DLG2: variants seen among roughly 807,000 people sequenced by gnomAD.
The protein encoded by DLG2 is disks large homolog 2.
Under a neutral mutation model 132.5 loss-of-function variants are expected in DLG2, and 45 were observed. That is an observed-to-expected ratio of 0.34 (90% CI 0.27 to 0.44). The LOEUF (loss-of-function observed/expected upper bound fraction) is 0.44. Ranked by LOEUF, DLG2 falls within the 20% of genes least tolerant of loss-of-function variation. The pLI is 1.00. For missense variants in DLG2, 1,045 were observed against 1,196.9 expected (o/e 0.87, Z 1.87); for synonymous variants, 424 against 419.6 (o/e 1.01, Z -0.13).
At chr11:84,326,267 C>T (rs748183211) in intron 7 of DLG2, among the ~76,000 whole-genome samples, 18 of 151,616 alleles carry the variant, frequency 1.2e-4, no homozygotes, top group Non-Finnish European at 2.2e-4. Flanking sequence ...CTTCTGCTAA[C>T]TTTGTGCTTA....
rs59038372 is a variant in DLG2, at chr11:84,373,265, C to CAAAAACAAAAA, written c.520-121975_520-121974insTTTTTGTTTTT. ...AGAAACAGTCAAAAAAAAAAAAAAACAAAACAAAAAAAAAACCCACCAGGC... is the reference window on the plus strand; with the variant it reads ...AGAAACAGTCAAAAAAAAAAAAAAACAAAAACAAAAAAAAACAAAAAAAAAACCCACCAGGC... On this transcript the variant is annotated intron_variant, in intron 7 of 27. Transcript: ENST00000376104. Among the ~76,000 whole-genome samples the CAAAAACAAAAA allele has an allele frequency of 2.4e-3, 236 of 98,054 alleles. 15 individuals carry two copies. Among genetic ancestry groups the CAAAAACAAAAA allele is most frequent in the African/African-American group, 9.1e-3 (200 of 21,954 alleles). 64.3% of individuals were successfully genotyped at this position (98,054 alleles called of 152,430 possible). A position where few individuals can be genotyped will look rare whatever the true frequency, so the allele number is the denominator to read the frequency against.
chr11:84,087,494 G>A (rs1408115161), intron 10 of DLG2, among the ~76,000 whole-genome samples: 2 of 152,104 alleles, frequency 1.3e-5, no homozygotes, highest in African/African-American at 4.8e-5. Flanking sequence ...GCTGAATAAT[G>A]CCCCTCACCT....
At position 83,707,484 on chromosome 11, in the gene DLG2, A is replaced by G. The variant is rs183792851; in HGVS notation, c.1826-74159T>C. On this transcript the variant is annotated intron_variant, in intron 18 of 27. Transcript: ENST00000376104. ...CAGGAGTTCAAGACCAGCCTGGCTA[A>G]CATGGTGAAAACCCATCTTTATTAA... 2.0e-5 allele frequency among the ~76,000 whole-genome samples: 3 copies of G among 152,340 alleles called. No individual in the cohort carries two copies. In the East Asian group the frequency reaches 5.8e-4, roughly 29 times the overall value.
At chr11:84,479,355 C>T (rs1342613197) in intron 7 of DLG2, among the ~76,000 whole-genome samples, 1 of 152,070 alleles carries the variant, frequency 6.6e-6, no homozygotes, top group Non-Finnish European at 1.5e-5. Context: ...CGTGAAGGCT[C>T]TGTCTAATAT....
intron 7 of DLG2, among the ~76,000 whole-genome samples, chr11:84,467,890 T>G (rs187984788): frequency 7.9e-4 from 120 of 151,684 alleles, no homozygotes; most frequent in Middle Eastern, 3.4e-3. Flanking sequence ...ATCAAAAGAC[T>G]GATAATTCAA....
intron 3 of DLG2, among the ~76,000 whole-genome samples, chr11:85,592,472 G>A (rs972875431): frequency 6.6e-6 from 1 of 152,118 alleles, no homozygotes; most frequent in Non-Finnish European, 1.5e-5. Context: ...CATTACCTAG[G>A]AAATGCCTCT....
chr11:84,041,415 G>C (rs924094591), intron 11 of DLG2, among the ~76,000 whole-genome samples: 3 of 151,858 alleles, frequency 2.0e-5, no homozygotes, highest in Non-Finnish European at 2.9e-5. Flanking sequence ...GCCTCCTTCA[G>C]CTCTCAGAAA....
chr11:85,061,916 C>A (rs2064182940), intron 6 of DLG2, among the ~76,000 whole-genome samples: 1 of 151,776 alleles, frequency 6.6e-6, no homozygotes, highest in Non-Finnish European at 1.5e-5. Context: ...ATTCTTCAGT[C>A]ACTTTACTCC....
chr11:84,150,402 C>G (rs536213693), intron 9 of DLG2, among the ~76,000 whole-genome samples: 12 of 152,258 alleles, frequency 7.9e-5, no homozygotes, highest in Non-Finnish European at 5.9e-5. Context: ...GTGCTACTGA[C>G]TTTTGTATGC....
chr11:84,600,629 T>C (rs1053949321), intron 6 of DLG2, among the ~76,000 whole-genome samples: 1 of 152,204 alleles, frequency 6.6e-6, no homozygotes, highest in Non-Finnish European at 1.5e-5. Context: ...AAATTCATTC[T>C]TCAGGAATTT....
chr11:84,554,575 C>T (rs1470870690), intron 6 of DLG2, among the ~76,000 whole-genome samples: 6 of 151,982 alleles, frequency 3.9e-5, no homozygotes, highest in Admixed American at 1.3e-4. Context: ...GGAGAAATCC[C>T]GTCTCTTCTA....
At chr11:83,590,586 A>C (rs1480408983) in intron 19 of DLG2, among the ~76,000 whole-genome samples, 1 of 151,836 alleles carries the variant, frequency 6.6e-6, no homozygotes, top group Non-Finnish European at 1.5e-5. Flanking sequence ...AAGAACTAGA[A>C]AAGCAAGAGC....
chr11:84,036,906 C>A (rs891939507), intron 11 of DLG2, among the ~76,000 whole-genome samples: 2 of 152,094 alleles, frequency 1.3e-5, no homozygotes, highest in African/African-American at 4.8e-5. Context: ...AAACATTCAA[C>A]TTTCATATTT....
chr11:84,943,060 A>G (rs1159340881), intron 6 of DLG2, among the ~76,000 whole-genome samples: 1 of 151,524 alleles, frequency 6.6e-6, no homozygotes, highest in African/African-American at 2.4e-5. Context: ...TTTGGTTTCC[A>G]TTTACATTAA....
At chr11:85,272,444 G>C (rs1050839209) in intron 4 of DLG2, among the ~76,000 whole-genome samples, 5 of 152,188 alleles carry the variant, frequency 3.3e-5, no homozygotes, top group Non-Finnish European at 7.4e-5. Context: ...TAGGCTAGAA[G>C]TCTGGAAACT....
At chr11:85,499,308 C>A (rs1175211619) in intron 3 of DLG2, among the ~76,000 whole-genome samples, 1 of 152,088 alleles carries the variant, frequency 6.6e-6, no homozygotes, top group African/African-American at 2.4e-5. Context: ...TCAGAGAATA[C>A]TATAAACACT....
chr11:83,512,739 T>G (rs987656640), intron 21 of DLG2, among the ~76,000 whole-genome samples: 4 of 151,938 alleles, frequency 2.6e-5, no homozygotes, highest in Non-Finnish European at 5.9e-5. Flanking sequence ...GTGTCCATGT[T>G]TTCTCATTTT....
chr11:84,099,123 C>A, intron 9 of DLG2, 76 bp from the exon 10 acceptor site: 1 of 1,304,664 alleles, frequency 7.7e-7, no homozygotes. Context: ...TCTGCATTAT[C>A]ATGTTACTAC....
intron 6 of DLG2, among the ~76,000 whole-genome samples, chr11:84,743,792 T>A (rs2065002292): frequency 6.6e-6 from 1 of 152,114 alleles, no homozygotes; most frequent in East Asian, 1.9e-4. Context: ...TGGCACGATC[T>A]TGGCTCACTG....
Sources: gnomAD v4.1 joint callset for allele counts (sites outside exome capture counted in the v4.1 genomes callset) on GRCh38, gnomAD v4.1.1 for gene constraint, MANE v1.5 for transcripts, NCBI Gene and HGNC (gene_info 2026-07-23, HGNC 2026-07-21) for gene names.